SEPTIN9: variants seen among roughly 807,000 people sequenced by gnomAD.
SEPTIN9 encodes the protein septin 9, also known as septin-9.
A neutral mutation model predicts 56.6 loss-of-function variants in SEPTIN9; 13 were observed. The ratio of observed to expected loss-of-function variants is 0.23; its 90% CI spans 0.15 to 0.37. SEPTIN9 has a LOEUF of 0.37. SEPTIN9 is among the 10% of genes least tolerant of loss of function. The pLI, the probability that SEPTIN9 is intolerant of heterozygous loss-of-function variation, is 1.00. For synonymous variants in SEPTIN9, 332 were observed against 334.1 expected (o/e 0.99, Z 0.07); for missense variants, 650 against 823.1 (o/e 0.79, Z 2.57).
chr17:77,372,222 C>T (rs1412492237), intron 2 of SEPTIN9, among the ~76,000 whole-genome samples: 2 of 152,190 alleles, frequency 1.3e-5, no homozygotes, highest in African/African-American at 2.4e-5. Flanking sequence ...ACAGGGAGAG[C>T]ATGCAGGAGT....
At chr17:77,332,739 C>T (rs557922169) in intron 2 of SEPTIN9, among the ~76,000 whole-genome samples, 7 of 152,090 alleles carry the variant, frequency 4.6e-5, no homozygotes, top group Non-Finnish European at 8.8e-5. Flanking sequence ...TTTTCCACCA[C>T]GAAATAATTT....
chr17:77,298,321 G>A (rs1033629351), intron 1 of SEPTIN9, among the ~76,000 whole-genome samples: 33 of 152,242 alleles, frequency 2.2e-4, no homozygotes, highest in African/African-American at 8.0e-4. Flanking sequence ...GTTCATAAGA[G>A]CCTGATAACC....
At chr17:77,366,178 G>A (rs1307679234) in intron 2 of SEPTIN9, among the ~76,000 whole-genome samples, 2 of 152,162 alleles carry the variant, frequency 1.3e-5, no homozygotes, top group African/African-American at 4.8e-5. Context: ...TTGTCCCCTA[G>A]TGTGACTTTG....
chr17:77,286,938 T>G (rs1297069038), intron 1 of SEPTIN9, among the ~76,000 whole-genome samples: 1 of 152,178 alleles, frequency 6.6e-6, no homozygotes, highest in Non-Finnish European at 1.5e-5. Flanking sequence ...CCTCTGTTTG[T>G]TGGAGCTATT....
At position 77,317,171 on chromosome 17, in the gene SEPTIN9, G is replaced by A. The variant is rs138243237; in HGVS notation, c.76+9974G>A. Among the ~76,000 whole-genome samples, 68 of 152,302 alleles carry A rather than the reference G, an allele frequency of 4.5e-4. No homozygotes were observed. The East Asian group carries it at 0.012, about 28-fold the overall frequency. ...CAGCTGCTGTAACGAGTGGCCACAAGCTGGCTGGGTCACAACAACGCCCAG... is the reference window on the plus strand; with the variant it reads ...CAGCTGCTGTAACGAGTGGCCACAAACTGGCTGGGTCACAACAACGCCCAG... On this transcript the variant is annotated intron_variant, in intron 2 of 11. Coordinates refer to ENST00000427177, the MANE Select transcript of SEPTIN9 (RefSeq NM_001113491.2). The surrounding 1 kb of genome is among the most constrained non-coding windows in gnomAD (Gnocchi z 4.2).
intron 3 of SEPTIN9, among the ~76,000 whole-genome samples, chr17:77,410,888 C>T (rs1003724785): frequency 1.3e-5 from 2 of 152,164 alleles, no homozygotes; most frequent in Non-Finnish European, 2.9e-5. Flanking sequence ...TGTTCTGGCT[C>T]CCATTCTCCC....
chr17:77,426,693 G>A (rs2036926357), intron 3 of SEPTIN9, among the ~76,000 whole-genome samples: 1 of 152,166 alleles, frequency 6.6e-6, no homozygotes, highest in South Asian at 2.1e-4. Flanking sequence ...AGGCCTCCCT[G>A]TCACCCGCAG....
intron 2 of SEPTIN9, among the ~76,000 whole-genome samples, chr17:77,355,069 C>T (rs1354181749): frequency 1.3e-5 from 2 of 152,104 alleles, no homozygotes; most frequent in Admixed American, 6.6e-5. Flanking sequence ...TTCTACGTGC[C>T]GATTATTTGG....
intron 4 of SEPTIN9, among the ~76,000 whole-genome samples, chr17:77,485,444 AGTG>A (rs1224488917): frequency 9.9e-5 from 15 of 150,760 alleles, no homozygotes; most frequent in African/African-American, 3.4e-4. Context: ...GGGTGACGGA[AGTG>A]GTGATGATGG....
At chr17:77,311,220 ACC>A (rs141106062) in intron 2 of SEPTIN9, among the ~76,000 whole-genome samples, 3 of 117,430 alleles carry the variant, frequency 2.6e-5, no homozygotes, top group African/African-American at 9.3e-5. Flanking sequence ...GCAAGGAAGG[ACC>A]CCCCCCCCAC....
Position 77,492,552 on chromosome 17 carries a change from T to A in SEPTIN9, c.1381-69T>A. 7.1e-7 allele frequency: 1 copy of A among 1,411,484 alleles called. No individual in the cohort carries two copies. Among genetic ancestry groups the A allele is most frequent in the East Asian group, 2.3e-5 (1 of 43,878 alleles). The allele number at this position is 1,411,484 out of a possible 1,614,324, so 87.4% of individuals were successfully genotyped here. On this transcript the variant is annotated intron_variant, in intron 8 of 11. Transcript: ENST00000427177. The surrounding 1 kb of genome is among the most constrained non-coding windows in gnomAD (Gnocchi z 5.4). ...GGCAGCACACAGTGTGGAGGTCATGTGGCAAACACCAGTGGGTGGGTAGAG... is the reference window on the plus strand; with the variant it reads ...GGCAGCACACAGTGTGGAGGTCATGAGGCAAACACCAGTGGGTGGGTAGAG...
rs1262754503 is a variant in SEPTIN9 at position 77,475,164 on chromosome 17, C to T, written c.722-6980C>T. On this transcript the variant is annotated intron_variant, in intron 3 of 11. Transcript: ENST00000427177. This position sits in a 1 kb window ranked among gnomAD's most constrained non-coding sequence, Gnocchi z 4.6. ...CTGAAGAAAGCCGGGCTGGGGTGAGCGTGATGGATGAGGTGTCTGGCTTCA... is the reference window on the plus strand; with the variant it reads ...CTGAAGAAAGCCGGGCTGGGGTGAGTGTGATGGATGAGGTGTCTGGCTTCA... 1.8e-5 allele frequency: 20 copies of T among 1,094,736 alleles called. No homozygotes were observed. The East Asian group carries it at 6.9e-4, about 38-fold the overall frequency. The allele number at this position is 1,094,736 out of a possible 1,614,324, so 67.8% of individuals were successfully genotyped here.
At chr17:77,377,670 G>T (rs1387905388) in intron 2 of SEPTIN9, among the ~76,000 whole-genome samples, 1 of 152,176 alleles carries the variant, frequency 6.6e-6, no homozygotes, top group Non-Finnish European at 1.5e-5. Flanking sequence ...ATGTGGATAT[G>T]CCTTCTTGTC....
chr17:77,284,272 C>T (rs1054110074), intron 1 of SEPTIN9, among the ~76,000 whole-genome samples: 2 of 152,242 alleles, frequency 1.3e-5, no homozygotes, highest in Non-Finnish European at 2.9e-5. Flanking sequence ...CACGGCACTC[C>T]AGCCTGGGTG....
chr17:77,319,957 G>A lies in SEPTIN9; in HGVS notation c.76+12760G>A, dbSNP rs1286850781. The A allele has an allele frequency of 5.1e-6, 6 of 1,171,242 alleles. No individual in the cohort carries two copies. Among genetic ancestry groups the A allele is most frequent in the Admixed American group, 4.3e-5 (1 of 23,514 alleles). 72.6% of individuals were successfully genotyped at this position (1,171,242 alleles called of 1,614,324 possible). A position where few individuals can be genotyped will look rare whatever the true frequency, so the allele number is the denominator to read the frequency against. On this transcript the variant is annotated intron_variant, in intron 2 of 11. Coordinates refer to ENST00000427177, the MANE Select transcript of SEPTIN9 (RefSeq NM_001113491.2). This position sits in a 1 kb window ranked among gnomAD's most constrained non-coding sequence, Gnocchi z 5.3. The stretch of plus-strand genomic sequence containing the variant: ...TCTGCAGCCACCGACCAGACCGGGC[G>A]GCCGGGACTCTGGGACTCTCGCAGG...
rs191011071 is a variant in SEPTIN9 at position 77,292,445 on chromosome 17, G to A, written c.19+10891G>A. On this transcript the variant is annotated intron_variant, in intron 1 of 11. Transcript: ENST00000427177. Reference sequence around the variant, plus strand: ...GGCGTAGCCTTTTCCCGCATCCTGGGGTATCGTCCTGTGGCTCTTCCTTGT... The same window carrying A: ...GGCGTAGCCTTTTCCCGCATCCTGGAGTATCGTCCTGTGGCTCTTCCTTGT... 4.7e-3 allele frequency among the ~76,000 whole-genome samples: 716 copies of A among 152,092 alleles called. 7 individuals carry two copies. Among genetic ancestry groups the A allele is most frequent in the African/African-American group, 0.017 (685 of 41,492 alleles).
intron 1 of SEPTIN9, among the ~76,000 whole-genome samples, chr17:77,296,120 G>GCAC (rs2031800609): frequency 6.6e-6 from 1 of 150,736 alleles, no homozygotes; most frequent in African/African-American, 2.5e-5. Context: ...AAAAATGACG[G>GCAC]AGGACACAGC....
rs765969047 is a variant in SEPTIN9 at position 77,488,236 on chromosome 17, G to GC, written c.1043-3dup. The GC allele has an allele frequency of 6.2e-7, 1 of 1,613,706 alleles. No individual in the cohort carries two copies. Among genetic ancestry groups the GC allele is most frequent in the South Asian group, 1.1e-5 (1 of 91,082 alleles). On this transcript the variant is annotated splice_polypyrimidine_tract_variant and splice_region_variant and intron_variant, in intron 5 of 11. Transcript: ENST00000427177. ...TCTGACTCTGCGTCCGTGGCTCTGTGCAGATATTGAGGAGAAAGGCGTCCG... is the reference window on the plus strand; with the variant it reads ...TCTGACTCTGCGTCCGTGGCTCTGTGCCAGATATTGAGGAGAAAGGCGTCCG...
Position 77,371,437 on chromosome 17 carries a change from A to G in SEPTIN9, c.77-30622A>G, listed in dbSNP as rs1304112923. Among the ~76,000 whole-genome samples the G allele has an allele frequency of 4.6e-5, 7 of 152,232 alleles. No individual in the cohort carries two copies. The highest frequency in any genetic ancestry group is 4.6e-4 in the Admixed American group (7 of 15,292). ...TCCATGCCAGCCCTGGGAAAGAACA[A>G]TTGCATGGGTGTGTCCACACTCACC... On this transcript the variant is annotated intron_variant, in intron 2 of 11. Transcript: ENST00000427177. This position sits in a 1 kb window ranked among gnomAD's most constrained non-coding sequence, Gnocchi z 4.1.
Sources: gnomAD v4.1 joint callset for allele counts (sites outside exome capture counted in the v4.1 genomes callset) on GRCh38, gnomAD v4.1.1 for gene constraint, Gnocchi (gnomAD v3.1) non-coding constraint, MANE v1.5 for transcripts, NCBI Gene and HGNC (gene_info 2026-07-23, HGNC 2026-07-21) for gene names.